The following PIEZO2 variants were observed in gnomAD, a reference collection of about 807,000 sequenced individuals.
The protein encoded by PIEZO2 is piezo type mechanosensitive ion channel component 2, also known as piezo-type mechanosensitive ion channel component 2.
In PIEZO2, 172 loss-of-function variants were observed where a neutral mutation model predicts 337.3. The ratio of observed to expected loss-of-function variants is 0.51; its 90% confidence interval spans 0.45 to 0.58. The LOEUF is 0.58. Among genes scored for constraint, PIEZO2 ranks in the 20% least tolerant of loss-of-function variants. The probability of loss-of-function intolerance (pLI) is 0.00; values close to 1 mark genes in which losing one functional copy is unlikely to be tolerated. For synonymous variants in PIEZO2, 1,251 were observed against 1,228.5 expected, an observed-to-expected ratio of 1.02 and a Z score of -0.38; for missense variants, 3,028 against 3,391.3, an observed-to-expected ratio of 0.89 and a Z score of 2.66.
intron 3 of PIEZO2, among the ~76,000 whole-genome samples, chr18:10,938,854 A>T (rs1223927344): frequency 1.3e-5 from 2 of 152,202 alleles, no homozygotes; most frequent in Admixed American, 1.3e-4. Context: ...TGGGAGGCTG[A>T]GGCAGGCAGA....
In PIEZO2 at chr18:10,726,380, G is replaced by C. The variant is rs1438408266; in HGVS notation, c.5029+5027C>G. On this transcript the variant is annotated intron_variant, in intron 36 of 55. Transcript: ENST00000674853. This position sits in a 1 kb window ranked among gnomAD's most constrained non-coding sequence, Gnocchi z 5.9. ...CCTTCCCCGCAGGCACCCACTACCT[G>C]CGGGGCGGTAACAACGCGCGCCAGC... 6.6e-7 allele frequency: 1 copy of C among 1,520,642 alleles called. No individual in the cohort carries two copies. Among genetic ancestry groups the C allele is most frequent in the Non-Finnish European group, 8.8e-7 (1 of 1,140,758 alleles). 94.2% of individuals were successfully genotyped at this position (1,520,642 alleles called of 1,614,324 possible). A position where few individuals can be genotyped will look rare whatever the true frequency, so the allele number is the denominator to read the frequency against.
At chr18:10,845,152 C>T (rs1386961214) in intron 7 of PIEZO2, among the ~76,000 whole-genome samples, 1 of 151,526 alleles carries the variant, frequency 6.6e-6, no homozygotes, top group East Asian at 1.9e-4. Flanking sequence ...TATTCATAAC[C>T]TATGGGGAAT....
intron 2 of PIEZO2, among the ~76,000 whole-genome samples, chr18:11,044,680 T>C (rs1222896015): frequency 6.6e-6 from 1 of 152,228 alleles, no homozygotes; most frequent in African/African-American, 2.4e-5. Context: ...ATCTATACAG[T>C]TGATTCTTGT....
chr18:10,728,191 G>C (rs1487452931), intron 36 of PIEZO2: 6 of 152,558 alleles, frequency 3.9e-5, no homozygotes, highest in Admixed American at 2.6e-4. Flanking sequence ...TCCTTAGAAA[G>C]AAAAATGATA....
rs1419799672 is a variant in PIEZO2, at chr18:11,066,186, T to C, written c.101A>G (p.Tyr34Cys). 3 of 1,536,962 alleles carry C rather than the reference T, an allele frequency of 2.0e-6. No homozygotes were observed. Among genetic ancestry groups the C allele is most frequent in the Non-Finnish European group, 2.6e-6 (3 of 1,146,754 alleles). ...AGGAATGAGCAAGAGGTAGATAAGG[T>C]AGACAAAGGAGAGCCCATTGTATCG... ...AFRYNGLSFV[Y>C]LIYLLLIPLF... The change falls in exon 2 of 56, where the codon TAC becomes TGC. Residue 34 changes from tyrosine to cysteine, a missense_variant. This residue lies in a region of PIEZO2 where 542 missense variants were observed against 605.6 expected (regional missense o/e 0.89). Transcript: ENST00000674853.
At chr18:10,691,527 G>A in intron 47 of PIEZO2, 144 bp from the exon 48 acceptor site, 1 of 827,016 alleles carries the variant, frequency 1.2e-6, no homozygotes, top group African/African-American at 1.7e-5. Flanking sequence ...ACACATAGTG[G>A]ATCACTTCAA....
rs1005036476 is a variant in PIEZO2 at position 10,802,958 on chromosome 18, C to A, written c.1200+917G>T. Among the ~76,000 whole-genome samples the A allele has an allele frequency of 2.2e-5, 3 of 137,376 alleles. No homozygotes were observed. The East Asian group carries it at 6.3e-4, about 29-fold the overall frequency. 90.1% of individuals were successfully genotyped at this position (137,376 alleles called of 152,430 possible). ...CTGCACTCCAGCCTGGGTGACAGAG[C>A]GAGACTCTGTTGCCAAAAAAAAAAA... On this transcript the variant is annotated intron_variant, in intron 9 of 55. Coordinates refer to ENST00000674853, the MANE Select transcript of PIEZO2 (RefSeq NM_001378183.1).
In PIEZO2 at chr18:10,675,252, T is replaced by G; in HGVS notation, c.8118A>C (p.Ala2706=). The change falls in exon 54 of 56, where the codon GCA becomes GCC. Residue 2706 remains alanine (A), a synonymous_variant. Coordinates refer to ENST00000674853, the MANE Select transcript of PIEZO2 (RefSeq NM_001378183.1). ...TAGGTTTTGAGTTAGAATCACTAGG[T>G]GCTTTCACATAATATGGATAAATCT... ...IEKIYPYYVK[A]PSDSNSKPIK... is the part of the protein sequence containing the mutation. The G allele has an allele frequency of 3.9e-6, 6 of 1,545,874 alleles. No individual in the cohort carries two copies. Among genetic ancestry groups the G allele is most frequent in the Non-Finnish European group, 5.3e-6 (6 of 1,142,810 alleles).
chr18:10,841,910 G>A (rs1180685975), intron 7 of PIEZO2, among the ~76,000 whole-genome samples: 1 of 152,126 alleles, frequency 6.6e-6, no homozygotes, highest in Admixed American at 6.5e-5. Context: ...ACACCTGTAA[G>A]CTGAGCACTT....
chr18:10,725,249 C>T (rs1371377401), intron 36 of PIEZO2: 1 of 1,563,604 alleles, frequency 6.4e-7, no homozygotes, highest in Non-Finnish European at 8.8e-7. Context: ...GAGGCTGCCA[C>T]CGGCAGGCAG....
At position 11,069,999 on chromosome 18, in the gene PIEZO2, A is replaced by T. The variant is rs2038281271; in HGVS notation, c.65-3777T>A. ...AAATGGAAGAATATAAAACATTGAT[A>T]ATAGAAATTGAAGAAGACACAAATA... On this transcript the variant is annotated intron_variant, in intron 1 of 55. Coordinates refer to ENST00000674853, the MANE Select transcript of PIEZO2 (RefSeq NM_001378183.1). The surrounding 1 kb of genome is among the most constrained non-coding windows in gnomAD (Gnocchi z 4.9). 6.6e-6 allele frequency among the ~76,000 whole-genome samples: 1 copy of T among 152,256 alleles called. No homozygotes were observed. Among genetic ancestry groups the T allele is most frequent in the East Asian group, 1.9e-4 (1 of 5,206 alleles).
chr18:11,139,113 G>A (rs894482914), intron 1 of PIEZO2, among the ~76,000 whole-genome samples: 1 of 152,130 alleles, frequency 6.6e-6, no homozygotes, highest in South Asian at 2.1e-4. Context: ...CGTATGTCGG[G>A]CACTGCTCGA....
At chr18:10,935,026 T>C (rs1452387333) in intron 3 of PIEZO2, among the ~76,000 whole-genome samples, 1 of 152,180 alleles carries the variant, frequency 6.6e-6, no homozygotes, top group Non-Finnish European at 1.5e-5. Context: ...CACCTGGCTG[T>C]GATGTCTGTG....
At chr18:10,829,873 A>G (rs1007522794) in intron 7 of PIEZO2, among the ~76,000 whole-genome samples, 1 of 152,154 alleles carries the variant, frequency 6.6e-6, no homozygotes, top group Non-Finnish European at 1.5e-5. Flanking sequence ...TACCCAAAGC[A>G]ATCTACAGAT....
In PIEZO2 at chr18:11,096,859, G is replaced by T. The variant is rs761132221; in HGVS notation, c.65-30637C>A. Among the ~76,000 whole-genome samples, 2 of 152,126 alleles carry T rather than the reference G, an allele frequency of 1.3e-5. No individual in the cohort carries two copies. The highest frequency in any genetic ancestry group is 2.4e-5 in the African/African-American group (1 of 41,418). On this transcript the variant is annotated intron_variant, in intron 1 of 55. Transcript: ENST00000674853. The surrounding 1 kb of genome is among the most constrained non-coding windows in gnomAD (Gnocchi z 4.6). Reference sequence around the variant, plus strand: ...ATGGGAACAACATGGACTTCAGGGGGGTGGTACCACAGTGGCAGAGAATCA... The same window carrying T: ...ATGGGAACAACATGGACTTCAGGGGTGTGGTACCACAGTGGCAGAGAATCA...
chr18:10,965,899 T>C (rs2033974610), intron 3 of PIEZO2, among the ~76,000 whole-genome samples: 2 of 152,072 alleles, frequency 1.3e-5, no homozygotes, highest in Admixed American at 6.5e-5. Flanking sequence ...TGTAGGGAAA[T>C]ATAAGGTCCA....
At chr18:11,014,290 T>C (rs1375617522) in intron 2 of PIEZO2, among the ~76,000 whole-genome samples, 1 of 52,920 alleles carries the variant, frequency 1.9e-5, no homozygotes, top group African/African-American at 7.1e-5. Flanking sequence ...TCCTCAGTGG[T>C]AGGCACGTCA....
intron 21 of PIEZO2, among the ~76,000 whole-genome samples, chr18:10,764,164 A>C (rs1248849898): frequency 6.6e-6 from 1 of 152,202 alleles, no homozygotes; most frequent in Non-Finnish European, 1.5e-5. Context: ...CATCTTCTTC[A>C]GGCATGGGAA....
At chr18:10,745,583 A>G (rs1014504135) in intron 30 of PIEZO2, among the ~76,000 whole-genome samples, 2 of 152,100 alleles carry the variant, frequency 1.3e-5, no homozygotes, top group African/African-American at 2.4e-5. Context: ...TTCCACTTGG[A>G]AAGAATCTTC....
Sources: gnomAD v4.1 joint callset for allele counts (sites outside exome capture counted in the v4.1 genomes callset) on GRCh38, gnomAD v4.1.1 for gene constraint, gnomAD v4.1.1 regional missense constraint, Gnocchi (gnomAD v3.1) non-coding constraint, MANE v1.5 for transcripts, NCBI Gene and HGNC (gene_info 2026-07-23, HGNC 2026-07-21) for gene names.